Variants in CRB1 observed in about 807,000 individuals in gnomAD.
CRB1 encodes the protein crumbs cell polarity complex component 1.
Under a neutral mutation model 120.0 loss-of-function variants are expected in CRB1, and 83 were observed. The observed-to-expected ratio is 0.69, with a 90% CI of 0.58 to 0.83. CRB1 has a LOEUF of 0.83. Among genes scored for constraint, CRB1 ranks in the 40% least tolerant of loss-of-function variants. The pLI, the probability that CRB1 is intolerant of heterozygous loss-of-function variation, is 0.00. For missense variants in CRB1, 1,699 were observed against 1,687.6 expected (o/e 1.01, Z -0.12); for synonymous variants, 625 against 612.5 (o/e 1.02, Z -0.30).
chr1:197,310,422 G>C (rs1657447751), intron 1 of CRB1, among the ~76,000 whole-genome samples: 1 of 152,118 alleles, frequency 6.6e-6, no homozygotes, highest in African/African-American at 2.4e-5. Flanking sequence ...ATTATCTCTT[G>C]TCAGGAAGTT....
chr1:197,254,899 G>A, the CRB1 span, among the ~76,000 whole-genome samples: 1 of 152,042 alleles, frequency 6.6e-6, no homozygotes, highest in Non-Finnish European at 1.5e-5. Flanking sequence ...TGAAGTCAGT[G>A]ATTTTGTGAT....
chr1:197,304,688 A>G (rs754959320), intron 1 of CRB1, among the ~76,000 whole-genome samples: 2 of 152,226 alleles, frequency 1.3e-5, no homozygotes, highest in Non-Finnish European at 2.9e-5. Flanking sequence ...TGAAGTGGAA[A>G]TCATTTTCCT....
chr1:197,302,754 A>G (rs1372102832), intron 1 of CRB1, among the ~76,000 whole-genome samples: 1 of 152,182 alleles, frequency 6.6e-6, no homozygotes, highest in Non-Finnish European at 1.5e-5. Context: ...AATGTGGGGG[A>G]ATATTAACTA....
chr1:197,368,675 A>G (rs1661208490), intron 5 of CRB1, among the ~76,000 whole-genome samples: 3 of 152,226 alleles, frequency 2.0e-5, no homozygotes, highest in Admixed American at 1.3e-4. Context: ...TATGGCATCA[A>G]GGGCCTTGGC....
At chr1:197,451,311 G>A (rs1260835107) in intron 11 of CRB1, among the ~76,000 whole-genome samples, 3 of 152,072 alleles carry the variant, frequency 2.0e-5, no homozygotes, top group Non-Finnish European at 4.4e-5. Context: ...ACAAAATTAT[G>A]GGCCAGGTGG....
chr1:197,447,062 C>T (rs1183237356), intron 11 of CRB1, among the ~76,000 whole-genome samples: 1 of 152,174 alleles, frequency 6.6e-6, no homozygotes, highest in African/African-American at 2.4e-5. Context: ...CTTAAAACAA[C>T]ACACATTTAT....
chr1:197,265,891 G>C (rs1026750987), upstream of CRB1, among the ~76,000 whole-genome samples: 4 of 151,948 alleles, frequency 2.6e-5, no homozygotes, highest in Admixed American at 2.0e-4. Flanking sequence ...TTGCTACATT[G>C]CTGCTAGATT....
At chr1:197,368,697 G>A (rs1244229793) in intron 5 of CRB1, among the ~76,000 whole-genome samples, 1 of 152,136 alleles carries the variant, frequency 6.6e-6, no homozygotes, top group African/African-American at 2.4e-5. Context: ...GCTGTCTCAG[G>A]TTGGCATTCC....
chr1:197,423,707 C>T (rs1411076749), intron 6 of CRB1, among the ~76,000 whole-genome samples: 2 of 152,082 alleles, frequency 1.3e-5, no homozygotes, highest in Non-Finnish European at 2.9e-5. Flanking sequence ...AAACTTCAGC[C>T]CATTCATGAC....
chr1:197,303,357 C>A (rs1157613616), intron 1 of CRB1, among the ~76,000 whole-genome samples: 2 of 141,292 alleles, frequency 1.4e-5, no homozygotes, highest in Non-Finnish European at 3.0e-5. Flanking sequence ...TGTTCAATTC[C>A]CACCTATGAG....
the CRB1 span, among the ~76,000 whole-genome samples, chr1:197,249,540 A>G: frequency 3.9e-5 from 6 of 151,982 alleles, no homozygotes; most frequent in East Asian, 9.7e-4. Context: ...AATAGTACTG[A>G]ACTATTAAAA....
At chr1:197,463,397 G>T (rs1377568045) in intron 11 of CRB1, among the ~76,000 whole-genome samples, 19 of 152,140 alleles carry the variant, frequency 1.2e-4, no homozygotes, top group Admixed American at 1.2e-3. Context: ...GCAAACATCA[G>T]TAATCAGAGA....
chr1:197,413,837 G>C (rs953244217), intron 5 of CRB1: 1 of 440,596 alleles, frequency 2.3e-6, no homozygotes, highest in Non-Finnish European at 4.6e-6. Context: ...CTGCGAGAAA[G>C]AGGTGACATT....
intron 3 of CRB1, among the ~76,000 whole-genome samples, chr1:197,345,594 C>T (rs1228182228): frequency 4.0e-5 from 6 of 149,652 alleles, no homozygotes; most frequent in East Asian, 2.0e-4. Flanking sequence ...CCGCAACCTC[C>T]GCCTTCCGGT....
At chr1:197,414,982 A>G (rs1251226367) in intron 5 of CRB1, among the ~76,000 whole-genome samples, 1 of 152,176 alleles carries the variant, frequency 6.6e-6, no homozygotes, top group Non-Finnish European at 1.5e-5. Context: ...ATCTTAATAC[A>G]GGCTTTCTCT....
chr1:197,422,038 T>G, intron 6 of CRB1, 82 bp downstream of exon 6: 2 of 1,300,278 alleles, frequency 1.5e-6, no homozygotes, highest in Non-Finnish European at 2.2e-6. Context: ...AGACTGCTTC[T>G]GCCTGCTATG....
intron 1 of CRB1, among the ~76,000 whole-genome samples, chr1:197,314,772 A>T (rs189867099): frequency 1.1e-4 from 16 of 152,136 alleles, no homozygotes; most frequent in Non-Finnish European, 2.1e-4. Context: ...AATGCTTGAG[A>T]TGTTTAGTGT....
intron 1 of CRB1, among the ~76,000 whole-genome samples, chr1:197,285,435 TAGA>T (rs1655772686): frequency 6.6e-6 from 1 of 151,814 alleles, no homozygotes; most frequent in Non-Finnish European, 1.5e-5. Flanking sequence ...ACAGACTAGT[TAGA>T]AGAATGTCAA....
chr1:197,319,454 A>AAAAAAG (rs1558050892), intron 1 of CRB1, among the ~76,000 whole-genome samples: 32 of 140,324 alleles, frequency 2.3e-4, no homozygotes, highest in African/African-American at 9.5e-4. Flanking sequence ...AAAAAAAAAA[A>AAAAAAG]AAAAGAAAGA....
Sources: gnomAD v4.1 joint callset for allele counts (sites outside exome capture counted in the v4.1 genomes callset) on GRCh38, gnomAD v4.1.1 for gene constraint, MANE v1.5 for transcripts, NCBI Gene and HGNC (gene_info 2026-07-23, HGNC 2026-07-21) for gene names.